Variants in EPHA6 observed in about 807,000 individuals in gnomAD.
The protein encoded by EPHA6 is EPH receptor A6.
In EPHA6, 50 loss-of-function variants were observed where a neutral mutation model predicts 112.0. That is an observed-to-expected ratio of 0.45 (90% CI 0.36 to 0.56). EPHA6 has a LOEUF of 0.56. Ranked by LOEUF, EPHA6 falls within the 20% of genes least tolerant of loss-of-function variation. The pLI is 0.00. For synonymous variants in EPHA6, 529 were observed against 490.7 expected (o/e 1.08, Z -1.03); for missense variants, 1,280 against 1,417.4 (o/e 0.90, Z 1.56).
At chr3:97,588,046 A>ATATTTTATTATTT (rs2093507436) in intron 11 of EPHA6, among the ~76,000 whole-genome samples, 1 of 152,216 alleles carries the variant, frequency 6.6e-6, no homozygotes, top group African/African-American at 2.4e-5. Flanking sequence ...TATTATCAGT[A>ATATTTTATTATTT]TATTTTATTT....
chr3:97,473,890 C>T (rs1322961082), intron 7 of EPHA6, among the ~76,000 whole-genome samples: 1 of 151,822 alleles, frequency 6.6e-6, no homozygotes, highest in African/African-American at 2.4e-5. Flanking sequence ...CATTGTAGTA[C>T]ATTGCTTGAA....
At chr3:97,224,042 T>A (rs116029391) in intron 3 of EPHA6, among the ~76,000 whole-genome samples, 1,965 of 152,002 alleles carry the variant, frequency 0.013, 47 homozygotes, top group African/African-American at 0.043. Context: ...AAAAAAAAAA[T>A]TTAAAATCCA....
chr3:97,431,568 T>C (rs1406795824), intron 6 of EPHA6, among the ~76,000 whole-genome samples: 1 of 152,162 alleles, frequency 6.6e-6, no homozygotes, highest in Non-Finnish European at 1.5e-5. Flanking sequence ...GTGATTTTTA[T>C]GGATAAACCA....
intron 2 of EPHA6, among the ~76,000 whole-genome samples, chr3:96,970,512 A>G (rs1358264394): frequency 2.0e-5 from 3 of 152,068 alleles, no homozygotes; most frequent in Non-Finnish European, 4.4e-5. Flanking sequence ...CTCATGTCAT[A>G]TATAGAATCA....
chr3:97,228,269 G>A (rs576571172), intron 4 of EPHA6, among the ~76,000 whole-genome samples: 9 of 152,048 alleles, frequency 5.9e-5, no homozygotes, highest in East Asian at 3.9e-4. Context: ...CCCATCACTC[G>A]AGCAGTGTAC....
At chr3:97,589,783 T>C (rs577331155) in intron 11 of EPHA6, among the ~76,000 whole-genome samples, 2 of 152,348 alleles carry the variant, frequency 1.3e-5, no homozygotes, top group South Asian at 4.1e-4. Flanking sequence ...ATCTAATTTA[T>C]ATTAACAAAT....
intron 2 of EPHA6, among the ~76,000 whole-genome samples, chr3:96,956,368 A>G (rs1237443141): frequency 6.6e-6 from 1 of 152,182 alleles, no homozygotes; most frequent in Non-Finnish European, 1.5e-5. Context: ...CATTGAATTG[A>G]CTAAGATAAT....
At chr3:97,591,192 A>G (rs746247400) in intron 11 of EPHA6, among the ~76,000 whole-genome samples, 33 of 152,172 alleles carry the variant, frequency 2.2e-4, no homozygotes, top group Admixed American at 5.2e-4. Context: ...TGCACACTGT[A>G]TTGGCCTCAC....
In EPHA6 at chr3:97,506,045, G is replaced by A. The variant is rs190842757; in HGVS notation, c.2200+21986G>A. ...GTTTTGATGGGGTTGTTTTTTTCTCGTAAATTTGTTTAAGTTCTTTGTAGA... is the reference window on the plus strand; with the variant it reads ...GTTTTGATGGGGTTGTTTTTTTCTCATAAATTTGTTTAAGTTCTTTGTAGA... On this transcript the variant is annotated intron_variant, in intron 10 of 17. Transcript: ENST00000389672. Among the ~76,000 whole-genome samples the A allele has an allele frequency of 2.6e-3, 398 of 151,948 alleles. 1 individual carries two copies. Among genetic ancestry groups the A allele is most frequent in the African/African-American group, 7.5e-3 (313 of 41,464 alleles).
At chr3:97,001,747 A>G (rs1273013915) in intron 3 of EPHA6, among the ~76,000 whole-genome samples, 1 of 152,172 alleles carries the variant, frequency 6.6e-6, no homozygotes, top group East Asian at 1.9e-4. Context: ...TTCAGTTTCA[A>G]GTCACTGTAT....
chr3:97,115,368 GA>G (rs144338280), intron 3 of EPHA6, among the ~76,000 whole-genome samples: 6,235 of 151,380 alleles, frequency 0.041, 384 homozygotes, highest in African/African-American at 0.14. Context: ...CCAGGTGAAA[GA>G]AAAAAAATGT....
At chr3:97,380,731 G>T (rs2085675613) in intron 5 of EPHA6, among the ~76,000 whole-genome samples, 1 of 152,096 alleles carries the variant, frequency 6.6e-6, no homozygotes, top group Non-Finnish European at 1.5e-5. Flanking sequence ...CCATTATAAA[G>T]AAATAATTAC....
chr3:97,427,210 ATGTCATTC>A (rs1462129996), intron 6 of EPHA6, among the ~76,000 whole-genome samples: 1 of 152,244 alleles, frequency 6.6e-6, no homozygotes, highest in African/African-American at 2.4e-5. Flanking sequence ...AAAGGAATAT[ATGTCATTC>A]TACTATAAAG....
intron 11 of EPHA6, among the ~76,000 whole-genome samples, chr3:97,565,512 A>G (rs887666307): frequency 1.1e-4 from 16 of 152,218 alleles, no homozygotes; most frequent in African/African-American, 3.9e-4. Context: ...ATAATAAAAT[A>G]TTGGAATTCA....
At chr3:97,195,801 G>A (rs936524062) in intron 3 of EPHA6, among the ~76,000 whole-genome samples, 1 of 151,960 alleles carries the variant, frequency 6.6e-6, no homozygotes, top group Non-Finnish European at 1.5e-5. Context: ...CTTTAAATAT[G>A]TCATGGCAGT....
At chr3:97,451,251 C>T (rs2090518813) in intron 7 of EPHA6, among the ~76,000 whole-genome samples, 1 of 151,920 alleles carries the variant, frequency 6.6e-6, no homozygotes, top group Admixed American at 6.6e-5. Context: ...ATGCAAGACC[C>T]TATGCTGAGC....
At chr3:97,178,488 T>C (rs1013927711) in intron 3 of EPHA6, among the ~76,000 whole-genome samples, 1 of 152,144 alleles carries the variant, frequency 6.6e-6, no homozygotes, top group Non-Finnish European at 1.5e-5. Context: ...TGATGTCCTT[T>C]TCTTTCTGAT....
At chr3:97,009,973 A>G in intron 3 of EPHA6, 1 of 702,566 alleles carries the variant, frequency 1.4e-6, no homozygotes. Flanking sequence ...AAGGATTCAC[A>G]TGCTTATCAT....
At chr3:96,921,891 C>T (rs1169515074) in intron 2 of EPHA6, among the ~76,000 whole-genome samples, 16 of 151,920 alleles carry the variant, frequency 1.1e-4, no homozygotes, top group Non-Finnish European at 1.6e-4. Context: ...TTTTGATGCA[C>T]GGTTTGTGTA....
Sources: gnomAD v4.1 joint callset for allele counts (sites outside exome capture counted in the v4.1 genomes callset) on GRCh38, gnomAD v4.1.1 for gene constraint, MANE v1.5 for transcripts, NCBI Gene and HGNC (gene_info 2026-07-23, HGNC 2026-07-21) for gene names.